The following IRF6 variants were observed in gnomAD, a reference collection of about 807,000 sequenced individuals.
IRF6 encodes Van der Woude syndrome.
In IRF6, 6 loss-of-function variants were observed where a neutral mutation model predicts 51.4. The observed-to-expected ratio is 0.12, with a 90% CI of 0.06 to 0.23. The LOEUF (loss-of-function observed/expected upper bound fraction) is 0.23. IRF6 is among the 10% of genes least tolerant of loss of function. The pLI is 1.00. For missense variants in IRF6, 348 were observed against 585.2 expected, an observed-to-expected ratio of 0.59 and a Z score of 4.18; for synonymous variants, 178 against 215.7, an observed-to-expected ratio of 0.83 and a Z score of 1.53.
Position 209,796,594 on chromosome 1 carries a change from G to T in IRF6, c.175-42C>A. ...ACAGTGAGTCCTATCATTGCCCAGA[G>T]CCACTGCAAAGCATGTGCTTACCCT... On this transcript the variant is annotated intron_variant, in intron 3 of 8. Coordinates refer to ENST00000367021, the MANE Select transcript of IRF6 (RefSeq NM_006147.4). The surrounding 1 kb of genome is among the most constrained non-coding windows in gnomAD (Gnocchi z 4.5). 6.6e-7 allele frequency: 1 copy of T among 1,508,198 alleles called. No homozygotes were observed. The highest frequency in any genetic ancestry group is 9.2e-7 in the Non-Finnish European group (1 of 1,086,844). The allele number at this position is 1,508,198 out of a possible 1,614,324, so 93.4% of individuals were successfully genotyped here. A position where few individuals can be genotyped will look rare whatever the true frequency, so the allele number is the denominator to read the frequency against.
intron 3 of IRF6, among the ~76,000 whole-genome samples, chr1:209,797,728 G>A (rs2102544292): frequency 6.6e-6 from 1 of 152,290 alleles, no homozygotes; most frequent in South Asian, 2.1e-4. Flanking sequence ...GCAAAGCAGG[G>A]AGTAGACACC....
rs1032034301 is a variant in IRF6, at chr1:209,790,414, G to C, written c.1060+81C>G. On this transcript the variant is annotated intron_variant, in intron 7 of 8. Coordinates refer to ENST00000367021, the MANE Select transcript of IRF6 (RefSeq NM_006147.4). This position sits in a 1 kb window ranked among gnomAD's most constrained non-coding sequence, Gnocchi z 4.8. Reference sequence around the variant, plus strand: ...GATCTTTGCCATGCCAGGAAAGCAGGAAGGTGAAAGACAGGGATAGTGGAA... The same window carrying C: ...GATCTTTGCCATGCCAGGAAAGCAGCAAGGTGAAAGACAGGGATAGTGGAA... 5 of 1,492,300 alleles carry C rather than the reference G, an allele frequency of 3.4e-6. No homozygotes were observed. Among genetic ancestry groups the C allele is most frequent in the Admixed American group, 1.7e-5 (1 of 59,786 alleles). The allele number at this position is 1,492,300 out of a possible 1,614,324, so 92.4% of individuals were successfully genotyped here.
At chr1:209,801,022 TGTGA>T (rs2077937682) in intron 3 of IRF6, among the ~76,000 whole-genome samples, 2 of 152,158 alleles carry the variant, frequency 1.3e-5, no homozygotes, top group African/African-American at 2.4e-5. Context: ...TCCTTTGGGA[TGTGA>T]GTGAGTACCT....
At chr1:209,795,251 C>T in intron 5 of IRF6, 39 bp downstream of exon 5, 1 of 1,611,884 alleles carries the variant, frequency 6.2e-7, no homozygotes, top group Non-Finnish European at 8.5e-7. Context: ...CTCCTTACAT[C>T]CTCCATATGT....
chr1:209,796,546 C>T lies in IRF6; in HGVS notation c.181G>A (p.Ala61Thr), dbSNP rs1057517975. ...TCCTGGTACTTCCCTGTCTCTACAGCCCAGGCCTGAGAACAAGAAACCACA... is the reference window on the plus strand; with the variant it reads ...TCCTGGTACTTCCCTGTCTCTACAGTCCAGGCCTGAGAACAAGAAACCACA... Reference protein sequence around the residue: ...EEENTIFKAWAVETGKYQEGV... With the variant: ...EEENTIFKAWTVETGKYQEGV... Residue 61 changes from alanine (A) to threonine (T), a missense_variant, in exon 4 of 9, where the codon GCT becomes ACT. Around this residue, in one of 5 missense-constraint regions of IRF6, gnomAD observed 48 missense variants for 128.1 expected, o/e 0.37. Transcript: ENST00000367021. The surrounding 1 kb of genome is among the most constrained non-coding windows in gnomAD (Gnocchi z 4.5). The T allele has an allele frequency of 6.2e-7, 1 of 1,612,572 alleles. No homozygotes were observed. Among genetic ancestry groups the T allele is most frequent in the Non-Finnish European group, 8.5e-7 (1 of 1,179,906 alleles).
chr1:209,788,169 C>T lies in IRF6; in HGVS notation c.*251G>A, dbSNP rs1191547860. 7.9e-6 allele frequency: 4 copies of T among 503,864 alleles called. No homozygotes were observed. Among genetic ancestry groups the T allele is most frequent in the Non-Finnish European group, 1.4e-5 (4 of 280,292 alleles). The allele number at this position is 503,864 out of a possible 1,614,324, so 31.2% of individuals were successfully genotyped here. A position where few individuals can be genotyped will look rare whatever the true frequency, so the allele number is the denominator to read the frequency against. On this transcript the variant is annotated 3_prime_UTR_variant, in exon 9 of 9. Transcript: ENST00000367021. The stretch of plus-strand genomic sequence containing the variant: ...TGCAGCTAGAACTTTGGTGTCCAAA[C>T]TCCCAGGCCAAATCTCCTTCTACTA...
At chr1:209,791,058 T>C in intron 6 of IRF6, 171 bp from the exon 7 acceptor site, 2 of 985,426 alleles carry the variant, frequency 2.0e-6, no homozygotes, top group Non-Finnish European at 2.4e-6. Context: ...ATCCCTGGAA[T>C]ATTCACTCAA....
Position 209,805,934 on chromosome 1 carries a change from T to G in IRF6, c.-76+13A>C, listed in dbSNP as rs901446070. ...CCTCCCTCAAGCTGGTCCCCAGAAG[T>G]TGGCGTACCCACCTTTGCTCAATCT... On this transcript the variant is annotated intron_variant, in intron 1 of 8. Transcript: ENST00000367021. The G allele has an allele frequency of 6.6e-6, 1 of 152,338 alleles. No homozygotes were observed. Among genetic ancestry groups the G allele is most frequent in the Non-Finnish European group, 1.5e-5 (1 of 68,142 alleles). The allele number at this position is 152,338 out of a possible 1,614,324, so 9.4% of individuals were successfully genotyped here.
Position 209,790,995 on chromosome 1 carries a change from A to G in IRF6, c.668-108T>C, listed in dbSNP as rs1366227684. The G allele has an allele frequency of 6.3e-7, 1 of 1,596,470 alleles. No homozygotes were observed. The highest frequency in any genetic ancestry group is 8.5e-7 in the Non-Finnish European group (1 of 1,177,070). ...TCAAGCCACCTTTCAACCAGCATTC[A>G]GGAAGGCCACTGCCATAGTTATCCT... On this transcript the variant is annotated intron_variant, in intron 6 of 8. Transcript: ENST00000367021. The surrounding 1 kb of genome is among the most constrained non-coding windows in gnomAD (Gnocchi z 4.8).
At chr1:209,795,495 C>T in intron 4 of IRF6, 77 bp from the exon 5 acceptor site, 1 of 1,601,058 alleles carries the variant, frequency 6.2e-7, no homozygotes, top group Non-Finnish European at 8.5e-7. Flanking sequence ...ACCATTCAAG[C>T]TAGGGACTGC....
chr1:209,802,448 A>G (rs546541134), intron 1 of IRF6, among the ~76,000 whole-genome samples: 6 of 152,378 alleles, frequency 3.9e-5, no homozygotes, highest in African/African-American at 1.4e-4. Flanking sequence ...CTGATAAAAA[A>G]ACAGTCACTG....
At chr1:209,793,270 C>G (rs998105027) in intron 5 of IRF6, 5 of 152,084 alleles carry the variant, frequency 3.3e-5, no homozygotes, top group Admixed American at 1.3e-4. Flanking sequence ...CAATGGCACT[C>G]TGGTTAAATT....
In IRF6 at chr1:209,796,025, G is replaced by GCAAACCTT. The variant is rs2077899146; in HGVS notation, c.379+315_379+322dup. Among the ~76,000 whole-genome samples, 1 of 152,116 alleles carries GCAAACCTT rather than the reference G, an allele frequency of 6.6e-6. No homozygotes were observed. The highest frequency in any genetic ancestry group is 6.5e-5 in the Admixed American group (1 of 15,270). On this transcript the variant is annotated intron_variant, in intron 4 of 8. Transcript: ENST00000367021. This position sits in a 1 kb window ranked among gnomAD's most constrained non-coding sequence, Gnocchi z 4.5. ...AAGTGATAAGGGCCAGGTTTAGAAC[G>GCAAACCTT]CAAACCTTTTAAGCTTTAATCCCTT...
chr1:209,805,573 C>G (rs1300729051), intron 1 of IRF6, among the ~76,000 whole-genome samples: 1 of 152,224 alleles, frequency 6.6e-6, no homozygotes, highest in Non-Finnish European at 1.5e-5. Flanking sequence ...ACCTGCGGAC[C>G]TGGGAAGTCC....
intron 5 of IRF6, among the ~76,000 whole-genome samples, chr1:209,794,943 A>T (rs979060651): frequency 3.3e-5 from 5 of 152,234 alleles, no homozygotes; most frequent in Non-Finnish European, 1.5e-5. Context: ...TTTGCCCGTA[A>T]CTCGAAAAAA....
intron 5 of IRF6, 118 bp from the exon 6 acceptor site, chr1:209,792,545 G>T: frequency 9.5e-7 from 1 of 1,057,602 alleles, no homozygotes; most frequent in Non-Finnish European, 1.4e-6. Flanking sequence ...CTGACCCAGT[G>T]TGATCTTCCA....
chr1:209,789,084 G>T (rs1378743441), intron 8 of IRF6, among the ~76,000 whole-genome samples: 1 of 152,202 alleles, frequency 6.6e-6, no homozygotes, highest in African/African-American at 2.4e-5. Flanking sequence ...CCAGCATTTT[G>T]GGAGGCTGAG....
At chr1:209,800,917 TGAG>T (rs1201725593) in intron 3 of IRF6, among the ~76,000 whole-genome samples, 1 of 152,148 alleles carries the variant, frequency 6.6e-6, no homozygotes, top group Non-Finnish European at 1.5e-5. Context: ...TCTGAGTTAT[TGAG>T]GAGGAAGAGT....
rs781645612 is a variant in IRF6 at position 209,792,254 on chromosome 1, T to TA, written c.667+14dup. 3 of 1,611,136 alleles carry TA rather than the reference T, an allele frequency of 1.9e-6. No homozygotes were observed. Among genetic ancestry groups the TA allele is most frequent in the Non-Finnish European group, 2.5e-6 (3 of 1,177,258 alleles). ...GAAGCAGAAGACCGAGCAAGAAAGATAAAGTCTCACTTACTTGGGAGAGAG... is the reference window on the plus strand; with the variant it reads ...GAAGCAGAAGACCGAGCAAGAAAGATAAAAGTCTCACTTACTTGGGAGAGAG... On this transcript the variant is annotated intron_variant, in intron 6 of 8. Transcript: ENST00000367021.
Sources: gnomAD v4.1 joint callset for allele counts (sites outside exome capture counted in the v4.1 genomes callset) on GRCh38, gnomAD v4.1.1 for gene constraint, gnomAD v4.1.1 regional missense constraint, Gnocchi (gnomAD v3.1) non-coding constraint, MANE v1.5 for transcripts, NCBI Gene and HGNC (gene_info 2026-07-23, HGNC 2026-07-21) for gene names.